SH3PXD2A: variants seen among roughly 807,000 people sequenced by gnomAD.
The protein encoded by SH3PXD2A is SH3 and PX domains 2A, also known as SH3 and PX domain-containing protein 2A.
A neutral mutation model predicts 115.2 loss-of-function variants in SH3PXD2A; 32 were observed. The ratio of observed to expected loss-of-function variants is 0.28; its 90% CI spans 0.21 to 0.37. The LOEUF is 0.37. Ranked by LOEUF, SH3PXD2A falls within the 10% of genes least tolerant of loss-of-function variation. The probability of loss-of-function intolerance (pLI) is 1.00; values close to 1 mark genes in which losing one functional copy is unlikely to be tolerated. For missense variants in SH3PXD2A, 1,328 were observed against 1,498.7 expected, an observed-to-expected ratio of 0.89 and a Z score of 1.88; for synonymous variants, 610 against 629.1, an observed-to-expected ratio of 0.97 and a Z score of 0.45.
intron 1 of SH3PXD2A, among the ~76,000 whole-genome samples, chr10:103,804,257 GGAGT>G (rs971720367): frequency 1.7e-4 from 26 of 151,890 alleles, no homozygotes; most frequent in African/African-American, 6.0e-4. Flanking sequence ...GGCTGAGGAG[GGAGT>G]ACATTCAGAT....
intron 8 of SH3PXD2A, among the ~76,000 whole-genome samples, chr10:103,647,549 G>C (rs1011783199): frequency 1.3e-5 from 2 of 152,210 alleles, no homozygotes; most frequent in Admixed American, 6.5e-5. Context: ...TTTGTGTCTG[G>C]TTGTGCAGTC....
At chr10:103,738,073 C>T (rs941015766) in intron 3 of SH3PXD2A, among the ~76,000 whole-genome samples, 3 of 152,216 alleles carry the variant, frequency 2.0e-5, no homozygotes, top group African/African-American at 7.2e-5. Context: ...CTCTCCTGGA[C>T]TCTTGCTCAA....
At chr10:103,644,422 A>G (rs2037004581) in intron 8 of SH3PXD2A, among the ~76,000 whole-genome samples, 1 of 151,942 alleles carries the variant, frequency 6.6e-6, no homozygotes, top group African/African-American at 2.4e-5. Flanking sequence ...TCTACTAAAA[A>G]TGTAGTTTAA....
rs570550283 is a variant in SH3PXD2A at position 103,627,896 on chromosome 10, C to T, written c.605-694G>A. On this transcript the variant is annotated intron_variant, in intron 8 of 14. Transcript: ENST00000369774. This position sits in a 1 kb window ranked among gnomAD's most constrained non-coding sequence, Gnocchi z 4.4. ...CCCTTCCGAGAAGGTCCTCTTCACA[C>T]GGTCCTGTCTTCCTCCTCATCCCTT... is the stretch of plus-strand genomic sequence containing the variant. Among the ~76,000 whole-genome samples, 6 of 152,366 alleles carry T rather than the reference C, an allele frequency of 3.9e-5. No individual in the cohort carries two copies. Among genetic ancestry groups the T allele is most frequent in the East Asian group, 1.9e-4 (1 of 5,192 alleles).
intron 6 of SH3PXD2A, among the ~76,000 whole-genome samples, chr10:103,684,311 A>C (rs1176552430): frequency 1.3e-5 from 2 of 151,898 alleles, no homozygotes; most frequent in Admixed American, 1.3e-4. Context: ...CCTCTCTTAA[A>C]AGCTTCCTCT....
In SH3PXD2A at chr10:103,822,547, T is replaced by TC. The variant is rs373845151; in HGVS notation, c.73-21186_73-21185insG. ...GCAGCACTCAGCCATGAGGGCATGG[T>TC]GGGGGGGGAGCAGCACTTTCATGCC... On this transcript the variant is annotated intron_variant, in intron 1 of 14. Coordinates refer to ENST00000369774, the MANE Select transcript of SH3PXD2A (RefSeq NM_001394015.1). Among the ~76,000 whole-genome samples, 746 of 152,190 alleles carry TC rather than the reference T, an allele frequency of 4.9e-3. 6 individuals carry two copies. Among genetic ancestry groups the TC allele is most frequent in the African/African-American group, 0.015 (629 of 41,524 alleles).
At chr10:103,619,606 T>G (rs1444420921) in intron 10 of SH3PXD2A, among the ~76,000 whole-genome samples, 1 of 152,052 alleles carries the variant, frequency 6.6e-6, no homozygotes, top group Non-Finnish European at 1.5e-5. Flanking sequence ...CCTGGGCCAC[T>G]AGGGCCCAGC....
intron 1 of SH3PXD2A, among the ~76,000 whole-genome samples, chr10:103,802,151 C>A (rs909564222): frequency 2.0e-5 from 3 of 152,186 alleles, no homozygotes; most frequent in Non-Finnish European, 2.9e-5. Context: ...TTTTAACAAA[C>A]CCCAGCTTGT....
At position 103,767,059 on chromosome 10, in the gene SH3PXD2A, T is replaced by TC. The variant is rs769584602; in HGVS notation, c.229+34dup. On this transcript the variant is annotated intron_variant, in intron 3 of 14. Transcript: ENST00000369774. ...GGGAAGGACTGGTCCTTCCCGGGTATCCCCCATCCCTGGGTGGAGCCACCC... is the reference window on the plus strand; with the variant it reads ...GGGAAGGACTGGTCCTTCCCGGGTATCCCCCCATCCCTGGGTGGAGCCACCC... The TC allele has an allele frequency of 1.2e-5, 18 of 1,531,754 alleles. No individual in the cohort carries two copies. The East Asian group carries it at 3.8e-4, about 33-fold the overall frequency. 94.9% of individuals were successfully genotyped at this position (1,531,754 alleles called of 1,614,324 possible).
intron 10 of SH3PXD2A, among the ~76,000 whole-genome samples, chr10:103,619,637 G>A (rs548657504): frequency 2.6e-5 from 4 of 152,250 alleles, no homozygotes; most frequent in Non-Finnish European, 4.4e-5. Flanking sequence ...GCAGCCTCCC[G>A]GGGTGCGTGG....
intron 1 of SH3PXD2A, among the ~76,000 whole-genome samples, chr10:103,812,462 A>AT (rs1271660537): frequency 2.0e-5 from 3 of 152,062 alleles, no homozygotes; most frequent in Admixed American, 6.5e-5. Flanking sequence ...TGGGCTTCCA[A>AT]GGGGCTTGGA....
Position 103,602,328 on chromosome 10 carries a change from G to C in SH3PXD2A, c.2890C>G (p.Pro964Ala), listed in dbSNP as rs1372844934. 2.5e-6 allele frequency: 4 copies of C among 1,613,612 alleles called. No homozygotes were observed. Among genetic ancestry groups the C allele is most frequent in the East Asian group, 2.2e-5 (1 of 44,898 alleles). Reference sequence around the variant, plus strand: ...ACTCCGTTCCTCATCTTCACCGCTGGAGTGCCTGAGGTCTTGCCGAAGCCC... The same window carrying C: ...ACTCCGTTCCTCATCTTCACCGCTGCAGTGCCTGAGGTCTTGCCGAAGCCC... ...PGGFGKTSGT[P>A]AVKMRNGVRQ... The change falls in exon 15 of 15, where the codon CCA (proline) becomes GCA (alanine). Residue 964 changes from proline (P) to alanine (A), a missense_variant. Coordinates refer to ENST00000369774, the MANE Select transcript of SH3PXD2A (RefSeq NM_001394015.1).
At chr10:103,705,403 A>C (rs1397589811) in intron 5 of SH3PXD2A, among the ~76,000 whole-genome samples, 1 of 152,208 alleles carries the variant, frequency 6.6e-6, no homozygotes, top group Non-Finnish European at 1.5e-5. Flanking sequence ...TGCTCTTATT[A>C]TTATTAATAC....
chr10:103,804,937 G>T (rs1328768438), intron 1 of SH3PXD2A, among the ~76,000 whole-genome samples: 1 of 152,074 alleles, frequency 6.6e-6, no homozygotes, highest in Non-Finnish European at 1.5e-5. Context: ...AGGCCCTGGG[G>T]CAGGAGCAGA....
chr10:103,801,542 T>TACACAC (rs148335179), intron 1 of SH3PXD2A, among the ~76,000 whole-genome samples, 180 bp from the exon 2 acceptor site: 2,788 of 142,692 alleles, frequency 0.02, 48 homozygotes, highest in Admixed American at 0.044. Flanking sequence ...TATGTCTAAA[T>TACACAC]ACACACACAC....
At chr10:103,628,600 C>A (rs535050292) in intron 8 of SH3PXD2A, among the ~76,000 whole-genome samples, 52 of 152,162 alleles carry the variant, frequency 3.4e-4, no homozygotes, top group African/African-American at 1.2e-3. Context: ...TCCCTCTCTG[C>A]CTGGGGTGAG....
chr10:103,600,381 A>G lies in SH3PXD2A; in HGVS notation c.*1435T>C, dbSNP rs781721567. ...GGAAGACCAGGTTGGCTCCTGGCAC[A>G]GGGATCCTCCATCTTCTTGGGCACC... is the stretch of plus-strand genomic sequence containing the variant. On this transcript the variant is annotated 3_prime_UTR_variant, in exon 15 of 15. Transcript: ENST00000369774. The G allele has an allele frequency of 1.3e-5, 2 of 152,330 alleles. No homozygotes were observed. The highest frequency in any genetic ancestry group is 2.9e-5 in the Non-Finnish European group (2 of 68,068). The allele number at this position is 152,330 out of a possible 1,614,324, so 9.4% of individuals were successfully genotyped here. A position where few individuals can be genotyped will look rare whatever the true frequency, so the allele number is the denominator to read the frequency against.
intron 1 of SH3PXD2A, among the ~76,000 whole-genome samples, chr10:103,830,995 A>G (rs1046940911): frequency 1.3e-5 from 2 of 152,254 alleles, no homozygotes; most frequent in African/African-American, 4.8e-5. Flanking sequence ...CATGATCTAC[A>G]TTTTTAGGTG....
At chr10:103,633,709 T>C (rs2036819691) in intron 8 of SH3PXD2A, among the ~76,000 whole-genome samples, 1 of 111,158 alleles carries the variant, frequency 9.0e-6, no homozygotes, top group African/African-American at 3.6e-5. Flanking sequence ...GTCTAGGCGA[T>C]GGAGCAAGAT....
Sources: gnomAD v4.1 joint callset for allele counts (sites outside exome capture counted in the v4.1 genomes callset) on GRCh38, gnomAD v4.1.1 for gene constraint, Gnocchi (gnomAD v3.1) non-coding constraint, MANE v1.5 for transcripts, NCBI Gene and HGNC (gene_info 2026-07-23, HGNC 2026-07-21) for gene names.